The following LYPD6B variants were observed in gnomAD, a reference collection of about 807,000 sequenced individuals.
The protein encoded by LYPD6B is LY6/PLAUR domain containing 6B.
LYPD6B carries 17 observed loss-of-function variants against 22.8 expected under a neutral mutation model. That is an observed-to-expected ratio of 0.75 (90% CI 0.51 to 1.12). The LOEUF (loss-of-function observed/expected upper bound fraction) is 1.12. Among genes scored for constraint, LYPD6B ranks in the 50% most tolerant of loss-of-function variants. The pLI is 0.00. For missense variants in LYPD6B, 221 were observed against 258.3 expected, an observed-to-expected ratio of 0.86 and a Z score of 0.99; for synonymous variants, 106 against 91.6, an observed-to-expected ratio of 1.16 and a Z score of -0.90.
At chr2:149,169,820 C>G (rs773121476) in intron 3 of LYPD6B, among the ~76,000 whole-genome samples, 10 of 152,168 alleles carry the variant, frequency 6.6e-5, no homozygotes, top group Non-Finnish European at 1.5e-4. Context: ...AGAAACCTGT[C>G]CCGCCAGGTA....
chr2:149,206,857 T>C (rs1269243637), intron 4 of LYPD6B, among the ~76,000 whole-genome samples: 1 of 152,160 alleles, frequency 6.6e-6, no homozygotes, highest in African/African-American at 2.4e-5. Context: ...GATAGTTTAA[T>C]GTCTTCTACA....
chr2:149,142,610 T>C (rs7609463), intron 2 of LYPD6B, among the ~76,000 whole-genome samples: 36,439 of 152,060 alleles, frequency 0.24, 5,659 homozygotes, highest in East Asian at 0.54. Flanking sequence ...GTGTGTTGTA[T>C]ATAATGCTTA....
At chr2:149,190,316 A>AT (rs1692410027) in intron 3 of LYPD6B, among the ~76,000 whole-genome samples, 1 of 152,148 alleles carries the variant, frequency 6.6e-6, no homozygotes, top group Non-Finnish European at 1.5e-5. Flanking sequence ...GCACGTATCT[A>AT]TATTCCTTTT....
At chr2:149,173,412 G>A (rs1053751787) in intron 3 of LYPD6B, among the ~76,000 whole-genome samples, 12 of 127,176 alleles carry the variant, frequency 9.4e-5, no homozygotes, top group African/African-American at 3.0e-4. Flanking sequence ...GCCATTCCTG[G>A]CTTTGTGCCA....
intron 1 of LYPD6B, among the ~76,000 whole-genome samples, chr2:149,075,217 A>G (rs1014613902): frequency 3.2e-4 from 49 of 152,266 alleles, no homozygotes; most frequent in African/African-American, 1.0e-3. Context: ...CATTTTATAA[A>G]CTGTTCTCAA....
At chr2:149,193,081 G>T (rs1000554364) in intron 3 of LYPD6B, among the ~76,000 whole-genome samples, 1 of 152,068 alleles carries the variant, frequency 6.6e-6, no homozygotes, top group Non-Finnish European at 1.5e-5. Flanking sequence ...TGGGCATCGG[G>T]TACAGTGGGC....
intron 1 of LYPD6B, among the ~76,000 whole-genome samples, chr2:149,052,940 C>T (rs1273533669): frequency 6.6e-6 from 1 of 152,194 alleles, no homozygotes; most frequent in African/African-American, 2.4e-5. Flanking sequence ...ATGGAGGCTT[C>T]TGCCTTGATG....
At chr2:149,214,258 C>G (rs997085687) in intron 6 of LYPD6B, among the ~76,000 whole-genome samples, 2 of 152,160 alleles carry the variant, frequency 1.3e-5, no homozygotes, top group African/African-American at 2.4e-5. Flanking sequence ...TGGACTCAAT[C>G]AAGCACTCTT....
intron 1 of LYPD6B, among the ~76,000 whole-genome samples, chr2:149,078,598 T>C (rs1378351840): frequency 6.6e-6 from 1 of 152,248 alleles, no homozygotes; most frequent in African/African-American, 2.4e-5. Context: ...TGTCTCGTTT[T>C]AAAATTTGAA....
At chr2:149,183,982 TG>T (rs1691927956) in intron 3 of LYPD6B, among the ~76,000 whole-genome samples, 1 of 151,868 alleles carries the variant, frequency 6.6e-6, no homozygotes, top group African/African-American at 2.4e-5. Context: ...CACCTGAGGT[TG>T]GGAGTTTGAG....
At chr2:149,136,240 A>G (rs2105738800) in intron 2 of LYPD6B, among the ~76,000 whole-genome samples, 1 of 152,336 alleles carries the variant, frequency 6.6e-6, no homozygotes, top group East Asian at 1.9e-4. Context: ...TTACTTCAGA[A>G]GTTACATTTT....
intron 1 of LYPD6B, among the ~76,000 whole-genome samples, chr2:149,062,145 G>A (rs903096185): frequency 5.2e-4 from 79 of 152,002 alleles, no homozygotes; most frequent in African/African-American, 1.7e-3. Context: ...GTGCCACTAC[G>A]CCAGGCTAAT....
At chr2:149,187,531 G>A (rs762212697) in intron 3 of LYPD6B, 19 of 1,470,924 alleles carry the variant, frequency 1.3e-5, no homozygotes, top group South Asian at 7.0e-5. Flanking sequence ...GATTCCCTGC[G>A]AGCAGGATCT....
rs900407035 is a variant in LYPD6B at position 149,205,326 on chromosome 2, G to A, written c.151G>A (p.Val51Ile). The A allele has an allele frequency of 1.2e-6, 2 of 1,613,882 alleles. No homozygotes were observed. The highest frequency in any genetic ancestry group is 2.7e-5 in the African/African-American group (2 of 74,926). ...CTGTCACGCTCTCGCTATAGCTGTT[G>A]TCCAGATCGTTATCTTCTCAGAAAG... is the stretch of plus-strand genomic sequence containing the variant. ...LLCHALAIAV[V>I]QIVIFSESWA... The change falls in exon 4 of 7, where the codon GTC (valine) becomes ATC (isoleucine). Residue 51 changes from valine to isoleucine, a missense_variant. By Grantham distance (29) the Val-to-Ile change is conservative. Transcript: ENST00000409642.
chr2:149,165,058 G>A (rs1232394742), intron 3 of LYPD6B, among the ~76,000 whole-genome samples: 9 of 152,166 alleles, frequency 5.9e-5, no homozygotes, highest in Admixed American at 5.2e-4. Context: ...TCATGCCCCT[G>A]TGCTCAGCTG....
At chr2:149,039,970 C>G (rs1471276727) in intron 1 of LYPD6B, among the ~76,000 whole-genome samples, 1 of 152,130 alleles carries the variant, frequency 6.6e-6, no homozygotes, top group Non-Finnish European at 1.5e-5. Flanking sequence ...ATGAAAAGGT[C>G]GAGGGTTTCA....
rs113890499 is a variant in LYPD6B at position 149,110,998 on chromosome 2, T to C, written c.-66-19885T>C. Reference sequence around the variant, plus strand: ...AGTAGTGTGGCTGGTAGCTATCTGGTGGAAGGACACTACAGGTAAATGACG... The same window carrying C: ...AGTAGTGTGGCTGGTAGCTATCTGGCGGAAGGACACTACAGGTAAATGACG... On this transcript the variant is annotated intron_variant, in intron 1 of 6. Coordinates refer to ENST00000409642, the MANE Select transcript of LYPD6B (RefSeq NM_177964.5). Among the ~76,000 whole-genome samples the C allele has an allele frequency of 3.4e-3, 518 of 152,186 alleles. 3 individuals are homozygous for C. Among genetic ancestry groups the C allele is most frequent in the African/African-American group, 0.012 (501 of 41,528 alleles).
intron 3 of LYPD6B, among the ~76,000 whole-genome samples, chr2:149,191,412 C>T (rs1195426411): frequency 6.6e-6 from 1 of 151,878 alleles, no homozygotes; most frequent in African/African-American, 2.4e-5. Flanking sequence ...TTTTTCCTGG[C>T]CACTCACTTG....
At chr2:149,080,379 T>C (rs1444341420) in intron 1 of LYPD6B, among the ~76,000 whole-genome samples, 2 of 152,238 alleles carry the variant, frequency 1.3e-5, no homozygotes, top group African/African-American at 4.8e-5. Flanking sequence ...TGGACCTGTT[T>C]CCAAATTCTG....
Sources: gnomAD v4.1 joint callset for allele counts (sites outside exome capture counted in the v4.1 genomes callset) on GRCh38, gnomAD v4.1.1 for gene constraint, MANE v1.5 for transcripts, NCBI Gene and HGNC (gene_info 2026-07-23, HGNC 2026-07-21) for gene names.